The following GRIK2 variants were observed in gnomAD, a reference collection of about 807,000 sequenced individuals.
GRIK2 encodes the protein glutamate receptor ionotropic, kainate 2.
A neutral mutation model predicts 100.3 loss-of-function variants in GRIK2; 32 were observed. The ratio of observed to expected loss-of-function variants is 0.32; its 90% CI spans 0.24 to 0.43. GRIK2 has a LOEUF of 0.43. Ranked by LOEUF, GRIK2 falls within the 20% of genes least tolerant of loss-of-function variation. GRIK2 has a pLI of 1.00. For synonymous variants in GRIK2, 417 were observed against 389.4 expected (o/e 1.07, Z -0.83); for missense variants, 843 against 1,114.9 (o/e 0.76, Z 3.47).
chr6:101,464,497 CTT>C lies in GRIK2; in HGVS notation c.115+65142_115+65143del, dbSNP rs71028069. On this transcript the variant is annotated intron_variant, in intron 2 of 16. Coordinates refer to ENST00000369134, the MANE Select transcript of GRIK2 (RefSeq NM_021956.5). Reference sequence around the variant, plus strand: ...TAATTTTTACCTTTTCTTTTTCTTTCTTTTTTTTTTTTTTTTTTTTTTTTTTT... The same window carrying C: ...TAATTTTTACCTTTTCTTTTTCTTTCTTTTTTTTTTTTTTTTTTTTTTTTT... 1.2e-3 allele frequency among the ~76,000 whole-genome samples: 74 copies of C among 62,028 alleles called. 8 individuals carry two copies. The highest frequency in any genetic ancestry group is 5.1e-3 in the South Asian group (7 of 1,382). 40.7% of individuals were successfully genotyped at this position (62,028 alleles called of 152,430 possible). A position where few individuals can be genotyped will look rare whatever the true frequency, so the allele number is the denominator to read the frequency against.
intron 2 of GRIK2, among the ~76,000 whole-genome samples, chr6:101,473,603 ATATAT>A (rs1490249807): frequency 6.6e-6 from 1 of 151,844 alleles, no homozygotes; most frequent in Non-Finnish European, 1.5e-5. Context: ...ACTAATTCTT[ATATAT>A]TATTTTTCCC....
intron 11 of GRIK2, among the ~76,000 whole-genome samples, chr6:101,872,073 A>G (rs559698690): frequency 2.0e-5 from 3 of 151,948 alleles, no homozygotes; most frequent in Non-Finnish European, 4.4e-5. Context: ...AACAATGGCC[A>G]CTCTGACTGA....
intron 2 of GRIK2, among the ~76,000 whole-genome samples, chr6:101,524,522 C>T (rs1261160196): frequency 6.6e-6 from 1 of 152,040 alleles, no homozygotes; most frequent in East Asian, 1.9e-4. Flanking sequence ...CTCTGTCTTT[C>T]TCCTTTAAAT....
In GRIK2 at chr6:101,399,403, C is replaced by T. The variant is rs746593798; in HGVS notation, c.115+11C>T. On this transcript the variant is annotated intron_variant, in intron 2 of 16. Coordinates refer to ENST00000369134, the MANE Select transcript of GRIK2 (RefSeq NM_021956.5). ...ATGTATTAAGATTTGGTAAGATTCC[C>T]CATCTCTCTTGGTTGCCTGGTATCC... The T allele has an allele frequency of 7.5e-7, 1 of 1,326,612 alleles. No individual in the cohort carries two copies. The highest frequency in any genetic ancestry group is 1.2e-5 in the South Asian group (1 of 85,198). 82.2% of individuals were successfully genotyped at this position (1,326,612 alleles called of 1,614,324 possible). A position where few individuals can be genotyped will look rare whatever the true frequency, so the allele number is the denominator to read the frequency against.
chr6:101,967,500 T>A (rs1322375477), intron 14 of GRIK2, among the ~76,000 whole-genome samples: 1 of 152,142 alleles, frequency 6.6e-6, no homozygotes, highest in African/African-American at 2.4e-5. Flanking sequence ...CAATTTAATG[T>A]ACTTTTATCC....
In GRIK2 at chr6:101,889,711, C is replaced by T. The variant is rs960677640; in HGVS notation, c.1596C>T (p.Pro532=). 6.2e-7 allele frequency: 1 copy of T among 1,612,778 alleles called. No homozygotes were observed. The highest frequency in any genetic ancestry group is 8.5e-7 in the Non-Finnish European group (1 of 1,179,336). Residue 532 remains proline (P), a synonymous_variant, in exon 12 of 17, where the codon CCC becomes CCT. Transcript: ENST00000369134. Reference sequence around the variant, plus strand: ...AGAAGGTCATCGACTTTTCCAAGCCCTTTATGACACTTGGAATAAGTATTT... The same window carrying T: ...AGAAGGTCATCGACTTTTCCAAGCCTTTTATGACACTTGGAATAAGTATTT... The part of the protein sequence containing the change: ...VREKVIDFSK[P]FMTLGISILY...
intron 2 of GRIK2, among the ~76,000 whole-genome samples, chr6:101,498,115 G>A (rs1436257660): frequency 6.8e-6 from 1 of 146,756 alleles, no homozygotes; most frequent in Non-Finnish European, 1.5e-5. Flanking sequence ...AGAACATGTG[G>A]TGTTTGGTTT....
At chr6:101,497,463 A>T (rs1460003316) in intron 2 of GRIK2, among the ~76,000 whole-genome samples, 1 of 124,270 alleles carries the variant, frequency 8.0e-6, no homozygotes, top group Non-Finnish European at 1.8e-5. Flanking sequence ...CTTTAGTTTG[A>T]TCTATTCACT....
chr6:101,554,088 T>C (rs1776630646), intron 2 of GRIK2, among the ~76,000 whole-genome samples: 1 of 152,162 alleles, frequency 6.6e-6, no homozygotes, highest in African/African-American at 2.4e-5. Flanking sequence ...GCTGTGTATA[T>C]CTATGTAAAC....
chr6:102,017,847 C>G (rs1257687321), intron 14 of GRIK2, among the ~76,000 whole-genome samples: 1 of 152,112 alleles, frequency 6.6e-6, no homozygotes, highest in East Asian at 1.9e-4. Context: ...TTATTCATTT[C>G]TTTACAATGC....
At chr6:101,784,933 T>C (rs1029329994) in intron 7 of GRIK2, among the ~76,000 whole-genome samples, 1 of 152,012 alleles carries the variant, frequency 6.6e-6, no homozygotes, top group African/African-American at 2.4e-5. Context: ...TGTATAAGAG[T>C]TCCTTTTTCT....
chr6:101,857,945 C>T (rs577296138), intron 10 of GRIK2, among the ~76,000 whole-genome samples: 1 of 152,248 alleles, frequency 6.6e-6, no homozygotes, highest in African/African-American at 2.4e-5. Context: ...TCCTGAAACA[C>T]TCCAATATTA....
At chr6:101,473,554 A>G (rs968343914) in intron 2 of GRIK2, among the ~76,000 whole-genome samples, 1 of 151,828 alleles carries the variant, frequency 6.6e-6, no homozygotes, top group Non-Finnish European at 1.5e-5. Context: ...TTTTCCAACA[A>G]CTAAAAATAA....
At chr6:101,628,347 G>A (rs1780557391) in intron 4 of GRIK2, among the ~76,000 whole-genome samples, 1 of 151,802 alleles carries the variant, frequency 6.6e-6, no homozygotes, top group African/African-American at 2.4e-5. Flanking sequence ...ACAAATTAGA[G>A]TAATTTTGTT....
chr6:101,934,643 C>T (rs1463558205), intron 14 of GRIK2, among the ~76,000 whole-genome samples: 1 of 151,824 alleles, frequency 6.6e-6, no homozygotes, highest in Admixed American at 6.6e-5. Context: ...GATCTAAAAA[C>T]ATATACTATT....
At chr6:101,398,656 C>T (rs1775114636) in intron 1 of GRIK2, 1 of 182,888 alleles carries the variant, frequency 5.5e-6, no homozygotes, top group South Asian at 2.0e-4. Context: ...ATTCTCTCAG[C>T]AAATACTCAT....
chr6:102,055,586 T>C lies in GRIK2; in HGVS notation c.2562+6T>C, dbSNP rs1297648077. 9 of 1,590,214 alleles carry C rather than the reference T, an allele frequency of 5.7e-6. No individual in the cohort carries two copies. The highest frequency in any genetic ancestry group is 2.6e-6 in the Non-Finnish European group (3 of 1,161,154). ...AAAACGCTCAATTGGAAAAGGTAAA[T>C]GTTACTTGTTTCAGTTTAAATTTAA... On this transcript the variant is annotated splice_donor_region_variant and intron_variant, in intron 16 of 16. Coordinates refer to ENST00000369134, the MANE Select transcript of GRIK2 (RefSeq NM_021956.5).
intron 7 of GRIK2, among the ~76,000 whole-genome samples, chr6:101,750,201 C>T (rs566367181): frequency 6.6e-6 from 1 of 152,142 alleles, no homozygotes; most frequent in African/African-American, 2.4e-5. Context: ...TTATTTTTAC[C>T]ATTTTGCTCT....
chr6:101,872,712 C>A (rs2128449041), intron 11 of GRIK2, among the ~76,000 whole-genome samples: 1 of 152,020 alleles, frequency 6.6e-6, no homozygotes, highest in Non-Finnish European at 1.5e-5. Flanking sequence ...TGTATCTCAT[C>A]TTTTTCATCT....
Sources: gnomAD v4.1 joint callset for allele counts (sites outside exome capture counted in the v4.1 genomes callset) on GRCh38, gnomAD v4.1.1 for gene constraint, MANE v1.5 for transcripts, NCBI Gene and HGNC (gene_info 2026-07-23, HGNC 2026-07-21) for gene names.